CSRNP3: variants seen among roughly 807,000 people sequenced by gnomAD.
CSRNP3 encodes cysteine/serine-rich nuclear protein 3.
CSRNP3 carries 12 observed loss-of-function variants against 48.0 expected under a neutral mutation model. That is an observed-to-expected ratio of 0.25 (90% confidence interval 0.16 to 0.41). CSRNP3 has a LOEUF of 0.41. CSRNP3 is among the 10% of genes least tolerant of loss of function. The pLI is 1.00. For missense variants in CSRNP3, 580 were observed against 724.4 expected (o/e 0.80, Z 2.29); for synonymous variants, 263 against 269.7 (o/e 0.98, Z 0.24).
chr2:165,496,318 G>A (rs1189517770), intron 2 of CSRNP3, among the ~76,000 whole-genome samples: 1 of 151,932 alleles, frequency 6.6e-6, no homozygotes, highest in Non-Finnish European at 1.5e-5. Context: ...CAGAAGATAG[G>A]TTTTGTTTGG....
chr2:165,615,391 A>C (rs1229403546), intron 4 of CSRNP3, among the ~76,000 whole-genome samples: 1 of 151,516 alleles, frequency 6.6e-6, no homozygotes, highest in Non-Finnish European at 1.5e-5. Flanking sequence ...AAAATACAAA[A>C]AATTAGCCGG....
At chr2:165,559,472 T>G (rs1303154334) in intron 3 of CSRNP3, among the ~76,000 whole-genome samples, 2 of 152,136 alleles carry the variant, frequency 1.3e-5, no homozygotes, top group African/African-American at 4.8e-5. Flanking sequence ...TTAAATACAC[T>G]AGACCAAGAT....
intron 2 of CSRNP3, among the ~76,000 whole-genome samples, chr2:165,512,835 C>T (rs764997198): frequency 7.9e-5 from 12 of 152,294 alleles, no homozygotes; most frequent in East Asian, 1.9e-4. Flanking sequence ...CCGGGCATGG[C>T]GGCTCACGCC....
At chr2:165,652,370 G>A (rs994530560) in intron 4 of CSRNP3, among the ~76,000 whole-genome samples, 3 of 151,614 alleles carry the variant, frequency 2.0e-5, no homozygotes, top group East Asian at 4.0e-4. Flanking sequence ...GTGGTGGTGT[G>A]CACCTGTAGT....
intron 4 of CSRNP3, among the ~76,000 whole-genome samples, chr2:165,627,403 T>C (rs1686455276): frequency 6.6e-6 from 1 of 152,206 alleles, no homozygotes; most frequent in African/African-American, 2.4e-5. Flanking sequence ...CACTGACTGC[T>C]CTTTCTATTA....
chr2:165,510,640 C>T (rs749944298), intron 2 of CSRNP3, among the ~76,000 whole-genome samples: 2 of 152,074 alleles, frequency 1.3e-5, no homozygotes, highest in Non-Finnish European at 2.9e-5. Context: ...ATGATAATGC[C>T]ATTTCCTGAT....
At chr2:165,556,512 G>A (rs1448521208) in intron 3 of CSRNP3, among the ~76,000 whole-genome samples, 1 of 152,130 alleles carries the variant, frequency 6.6e-6, no homozygotes, top group Non-Finnish European at 1.5e-5. Context: ...CTTTGGGGAC[G>A]TCCAAGTGGG....
In CSRNP3 at chr2:165,472,097, G is replaced by A. The variant is rs73969247; in HGVS notation, c.-283+2357G>A. ...TCCTTTTTCTCTTTATGTTTGCAGT[G>A]GTTTGCAATATAATGAATAATACAA... On this transcript the variant is annotated intron_variant, in intron 1 of 6. Coordinates refer to ENST00000651982, the MANE Select transcript of CSRNP3 (RefSeq NM_001172173.2). 1.3e-3 allele frequency among the ~76,000 whole-genome samples: 197 copies of A among 151,866 alleles called. 1 individual carries two copies. The highest frequency in any genetic ancestry group is 4.6e-3 in the African/African-American group (189 of 41,448).
intron 3 of CSRNP3, among the ~76,000 whole-genome samples, chr2:165,518,333 A>G (rs1684607447): frequency 6.6e-6 from 1 of 151,992 alleles, no homozygotes; most frequent in Non-Finnish European, 1.5e-5. Context: ...AAATGCACAC[A>G]TATACATGTA....
intron 2 of CSRNP3, among the ~76,000 whole-genome samples, chr2:165,506,008 C>T (rs981556981): frequency 6.6e-6 from 1 of 152,082 alleles, no homozygotes; most frequent in African/African-American, 2.4e-5. Flanking sequence ...CAGGAGTAGT[C>T]ACATTAGGCC....
chr2:165,499,618 A>G (rs1684330195), intron 2 of CSRNP3, among the ~76,000 whole-genome samples: 1 of 152,166 alleles, frequency 6.6e-6, no homozygotes, highest in South Asian at 2.1e-4. Flanking sequence ...ATCTTGCAGG[A>G]ACTAGAATAG....
Position 165,595,655 on chromosome 2 carries a change from C to A in CSRNP3, c.148+442C>A, listed in dbSNP as rs73972109. On this transcript the variant is annotated intron_variant, in intron 4 of 6. Coordinates refer to ENST00000651982, the MANE Select transcript of CSRNP3 (RefSeq NM_001172173.2). ...GGAGTTTAGGCAGCCAGGGATTAAG[C>A]AGAAATGTGAAGGCAGCAAGTCTCC... Among the ~76,000 whole-genome samples the A allele has an allele frequency of 2.4e-3, 362 of 152,212 alleles. 1 individual carries two copies. The highest frequency in any genetic ancestry group is 8.3e-3 in the African/African-American group (346 of 41,522).
At chr2:165,674,350 G>A (rs1687383893) in intron 5 of CSRNP3, among the ~76,000 whole-genome samples, 1 of 151,956 alleles carries the variant, frequency 6.6e-6, no homozygotes, top group South Asian at 2.1e-4. Context: ...TCGAGTGTAT[G>A]TTAGGCAATT....
intron 3 of CSRNP3, among the ~76,000 whole-genome samples, chr2:165,524,985 G>A (rs1016642703): frequency 6.6e-6 from 1 of 152,138 alleles, no homozygotes; most frequent in African/African-American, 2.4e-5. Flanking sequence ...TGTATGTTTA[G>A]CTTTCTCAGA....
chr2:165,652,963 G>C (rs1686939107), intron 4 of CSRNP3, among the ~76,000 whole-genome samples: 1 of 152,182 alleles, frequency 6.6e-6, no homozygotes, highest in African/African-American at 2.4e-5. Context: ...ACAAAGTAGA[G>C]CTTAATCTTC....
intron 5 of CSRNP3, among the ~76,000 whole-genome samples, chr2:165,660,936 G>A (rs956665002): frequency 1.3e-5 from 2 of 152,118 alleles, no homozygotes; most frequent in African/African-American, 4.8e-5. Flanking sequence ...ACCTCACTGT[G>A]CTTAAAGTAT....
intron 3 of CSRNP3, among the ~76,000 whole-genome samples, chr2:165,576,420 A>C (rs1685451781): frequency 6.6e-6 from 1 of 152,050 alleles, no homozygotes. Context: ...AGTACTTTTA[A>C]CTTTGTAAAT....
chr2:165,624,240 G>A (rs1686390758), intron 4 of CSRNP3, among the ~76,000 whole-genome samples: 1 of 151,992 alleles, frequency 6.6e-6, no homozygotes, highest in South Asian at 2.1e-4. Context: ...TTTCTTATGT[G>A]CATTCTGAAG....
intron 5 of CSRNP3, among the ~76,000 whole-genome samples, chr2:165,660,452 T>C (rs1687077745): frequency 6.6e-6 from 1 of 152,202 alleles, no homozygotes; most frequent in Non-Finnish European, 1.5e-5. Context: ...ACAGTCTTTG[T>C]ACCTTTGGGG....
Sources: allele counts gnomAD v4.1 joint callset (sites outside exome capture counted in the v4.1 genomes callset), GRCh38; gene constraint gnomAD v4.1.1; transcripts MANE v1.5; gene names NCBI Gene and HGNC (gene_info 2026-07-23, HGNC 2026-07-21).